The following RBM20 variants were observed in gnomAD, a reference collection of about 807,000 sequenced individuals.
The protein encoded by RBM20 is RNA binding motif protein 20, also known as RNA-binding protein 20.
In RBM20, 51 loss-of-function variants were observed where a neutral mutation model predicts 110.1. That is an observed-to-expected ratio of 0.46 (90% CI 0.37 to 0.59). The LOEUF is 0.59. Among genes scored for constraint, RBM20 ranks in the 20% least tolerant of loss-of-function variants. RBM20 has a pLI of 0.00. For missense variants in RBM20, 1,512 were observed against 1,574.9 expected, an observed-to-expected ratio of 0.96 and a Z score of 0.68; for synonymous variants, 589 against 618.2, an observed-to-expected ratio of 0.95 and a Z score of 0.70.
intron 1 of RBM20, among the ~76,000 whole-genome samples, chr10:110,652,961 C>T (rs73353196): frequency 0.029 from 4,488 of 152,272 alleles, 221 homozygotes; most frequent in African/African-American, 0.1. Flanking sequence ...GACTGGGTCT[C>T]TCCTGGGCAT....
At chr10:110,742,139 A>G (rs1843731948) in intron 1 of RBM20, among the ~76,000 whole-genome samples, 1 of 152,158 alleles carries the variant, frequency 6.6e-6, no homozygotes, top group Admixed American at 6.5e-5. Flanking sequence ...ACCTAGGAGG[A>G]GCCTCAAAGT....
chr10:110,752,760 G>A (rs976094498), intron 1 of RBM20, among the ~76,000 whole-genome samples: 1 of 151,864 alleles, frequency 6.6e-6, no homozygotes, highest in Admixed American at 6.6e-5. Context: ...GCACCCAGAA[G>A]CCCTCGAGGG....
chr10:110,722,150 G>A (rs1430601943), intron 1 of RBM20, among the ~76,000 whole-genome samples: 1 of 152,166 alleles, frequency 6.6e-6, no homozygotes, highest in Non-Finnish European at 1.5e-5. Context: ...ACTCTTGGTT[G>A]CTGTCAGTGT....
intron 12 of RBM20, among the ~76,000 whole-genome samples, chr10:110,828,274 T>C (rs151315227): frequency 0.01 from 1,556 of 152,328 alleles, 21 homozygotes; most frequent in African/African-American, 0.032. Flanking sequence ...TATGTCTTGA[T>C]GCTGCCTCTT....
In RBM20 at chr10:110,821,275, G is replaced by C. The variant is rs1252019521; in HGVS notation, c.2656G>C (p.Glu886Gln). The change falls in exon 11 of 14, where the codon GAA (glutamate) becomes CAA (glutamine). Residue 886 changes from glutamate (E) to glutamine (Q), a missense_variant and splice_region_variant. Around this residue, in one of 3 missense-constraint regions of RBM20, gnomAD observed 1,149 missense variants for 1,169.4 expected, o/e 0.98. Coordinates refer to ENST00000369519, the MANE Select transcript of RBM20 (RefSeq NM_001134363.3). ...SDPENTRTKK[E>Q]QDWESESEAE... ...ACCTCCATTCTGCATTTTTGTACAG[G>C]AACAAGATTGGGAGAGTGAAAGTGA... 2 of 1,549,724 alleles carry C rather than the reference G, an allele frequency of 1.3e-6. No individual in the cohort carries two copies. The highest frequency in any genetic ancestry group is 1.7e-4 in the Middle Eastern group (1 of 6,006).
At chr10:110,793,009 T>C (rs1374619107) in intron 5 of RBM20, among the ~76,000 whole-genome samples, 1 of 152,170 alleles carries the variant, frequency 6.6e-6, no homozygotes, top group African/African-American at 2.4e-5. Flanking sequence ...GTTCTTGGGG[T>C]TTAGCTTGTC....
intron 1 of RBM20, among the ~76,000 whole-genome samples, chr10:110,685,022 G>A (rs1862481503): frequency 6.6e-6 from 1 of 152,228 alleles, no homozygotes; most frequent in African/African-American, 2.4e-5. Context: ...CAAGGAGAGC[G>A]ATCTGCCTGA....
intron 9 of RBM20, among the ~76,000 whole-genome samples, chr10:110,816,763 AG>A (rs1333407054): frequency 1.3e-5 from 2 of 152,206 alleles, no homozygotes; most frequent in African/African-American, 4.8e-5. Context: ...GAAGGTATGA[AG>A]GTTGGAACCC....
At chr10:110,646,392 C>T (rs11195251) in intron 1 of RBM20, among the ~76,000 whole-genome samples, 28,506 of 152,144 alleles carry the variant, frequency 0.19, 3,642 homozygotes, top group African/African-American at 0.35. Flanking sequence ...TTTTGAAAAT[C>T]CCATCTTTGG....
At chr10:110,810,008 C>T (rs1425867602) in intron 7 of RBM20, among the ~76,000 whole-genome samples, 1 of 152,230 alleles carries the variant, frequency 6.6e-6, no homozygotes, top group East Asian at 1.9e-4. Context: ...TCCAAGTTTA[C>T]AATGCATGCC....
intron 9 of RBM20, among the ~76,000 whole-genome samples, chr10:110,819,550 G>A (rs920816936): frequency 6.6e-6 from 1 of 152,196 alleles, no homozygotes; most frequent in Non-Finnish European, 1.5e-5. Context: ...TACAAGGAAG[G>A]AGGAAAGGGA....
chr10:110,834,667 C>CA (rs1436481767), intron 13 of RBM20, among the ~76,000 whole-genome samples: 3 of 152,230 alleles, frequency 2.0e-5, no homozygotes, highest in African/African-American at 7.2e-5. Context: ...TCACAGATGT[C>CA]AGAGATATTT....
chr10:110,775,892 T>C (rs1732032491), intron 1 of RBM20, among the ~76,000 whole-genome samples: 1 of 152,064 alleles, frequency 6.6e-6, no homozygotes, highest in Non-Finnish European at 1.5e-5. Context: ...AAGGCATTCC[T>C]AGGAAGTCAT....
Position 110,781,137 on chromosome 10 carries a change from G to C in RBM20, c.528G>C (p.Gln176His), listed in dbSNP as rs1250194214. The C allele has an allele frequency of 1.3e-6, 2 of 1,551,648 alleles. No homozygotes were observed. The highest frequency in any genetic ancestry group is 3.9e-5 in the Admixed American group (2 of 51,006). ...SNAIAFSPPS[Q>H]TRGPGPSMNL... ...CAATTGCCTTTTCACCCCCCAGCCA[G>C]ACACGAGGCCCCGGACCCTCCATGA... Residue 176 changes from glutamine (Q) to histidine (H), a missense_variant, in exon 2 of 14, where the codon CAG (glutamine) becomes CAC (histidine). By Grantham distance (24) the Gln-to-His change is conservative. Coordinates refer to ENST00000369519, the MANE Select transcript of RBM20 (RefSeq NM_001134363.3).
intron 1 of RBM20, among the ~76,000 whole-genome samples, chr10:110,752,938 TATA>T (rs1418838821): frequency 0.012 from 1,081 of 91,068 alleles, 10 homozygotes; most frequent in Middle Eastern, 0.038. Context: ...TATATATATA[TATA>T]TATATTTTTT....
chr10:110,752,957 TTTA>T (rs1843877033), intron 1 of RBM20, among the ~76,000 whole-genome samples: 1 of 143,188 alleles, frequency 7.0e-6, no homozygotes, highest in South Asian at 2.1e-4. Flanking sequence ...TTTTTTTTTT[TTTA>T]TGAAGTCTCC....
intron 10 of RBM20, among the ~76,000 whole-genome samples, chr10:110,821,030 C>T (rs1844901732): frequency 6.6e-6 from 1 of 152,172 alleles, no homozygotes; most frequent in African/African-American, 2.4e-5. Context: ...TCTACTGGGG[C>T]TTGAAATTCT....
At chr10:110,771,192 T>C (rs1021696230) in intron 1 of RBM20, among the ~76,000 whole-genome samples, 2 of 152,144 alleles carry the variant, frequency 1.3e-5, no homozygotes, top group Non-Finnish European at 2.9e-5. Context: ...AGTCTGGCTC[T>C]GTTGCCCAGG....
rs146862948 is a variant in RBM20, at chr10:110,833,218, G to A, written c.3573+2036G>A. Among the ~76,000 whole-genome samples, 1,132 of 151,614 alleles carry A rather than the reference G, an allele frequency of 7.5e-3. 17 individuals carry two copies. The highest frequency in any genetic ancestry group is 0.026 in the African/African-American group (1,081 of 41,314). On this transcript the variant is annotated intron_variant, in intron 13 of 13. Transcript: ENST00000369519. ...AGCCTGACCAACAGTGTGAAATCCC[G>A]TCTCTACTAAAAATACAAAAACTAG...
Sources: allele counts gnomAD v4.1 joint callset (sites outside exome capture counted in the v4.1 genomes callset), GRCh38; gene constraint gnomAD v4.1.1; regional missense constraint gnomAD v4.1.1; transcripts MANE v1.5; gene names NCBI Gene and HGNC (gene_info 2026-07-23, HGNC 2026-07-21).